EXOC6B: variants seen among roughly 807,000 people sequenced by gnomAD.
EXOC6B encodes SEC15 homolog B.
Under a neutral mutation model 113.5 loss-of-function variants are expected in EXOC6B, and 54 were observed. The ratio of observed to expected loss-of-function variants is 0.48; its 90% CI spans 0.38 to 0.60. EXOC6B has a LOEUF of 0.60. EXOC6B is among the 20% of genes least tolerant of loss of function. The pLI is 0.00. For synonymous variants in EXOC6B, 357 were observed against 339.0 expected (o/e 1.05, Z -0.58); for missense variants, 797 against 977.5 (o/e 0.82, Z 2.46).
chr2:72,254,661 A>T (rs1683242210), intron 20 of EXOC6B, among the ~76,000 whole-genome samples: 1 of 152,222 alleles, frequency 6.6e-6, no homozygotes, highest in African/African-American at 2.4e-5. Context: ...TTTTGCGGCA[A>T]GTGATAGAAA....
chr2:72,716,911 T>C (rs751653552), intron 6 of EXOC6B, among the ~76,000 whole-genome samples: 3 of 152,184 alleles, frequency 2.0e-5, no homozygotes, highest in Non-Finnish European at 4.4e-5. Context: ...CTCTCCTATA[T>C]TTTAAAAGCT....
intron 6 of EXOC6B, among the ~76,000 whole-genome samples, chr2:72,699,381 A>T (rs1678128612): frequency 6.6e-6 from 1 of 151,624 alleles, no homozygotes; most frequent in Non-Finnish European, 1.5e-5. Flanking sequence ...CAGGAGGCTG[A>T]GGCAGAGAAT....
At chr2:72,539,530 C>G (rs1387263970) in intron 8 of EXOC6B, among the ~76,000 whole-genome samples, 3 of 152,120 alleles carry the variant, frequency 2.0e-5, no homozygotes, top group African/African-American at 7.2e-5. Context: ...ACCTCTTGCC[C>G]CTAGACTACA....
intron 7 of EXOC6B, among the ~76,000 whole-genome samples, chr2:72,565,187 A>G (rs1475324362): frequency 1.3e-5 from 2 of 151,756 alleles, no homozygotes; most frequent in African/African-American, 2.4e-5. Flanking sequence ...CCATCTCTAC[A>G]AAAAATTGCA....
chr2:72,397,629 A>AAAAAATAAATAAAG (rs1692819070), intron 18 of EXOC6B, among the ~76,000 whole-genome samples: 1 of 118,378 alleles, frequency 8.4e-6, no homozygotes, highest in African/African-American at 4.3e-5. Context: ...AAAAAAAAAA[A>AAAAAATAAATAAAG]TAAAATAAAA....
intron 19 of EXOC6B, among the ~76,000 whole-genome samples, chr2:72,348,282 G>A (rs1198642009): frequency 6.6e-6 from 1 of 152,112 alleles, no homozygotes; most frequent in Non-Finnish European, 1.5e-5. Flanking sequence ...TAGTTCCCTT[G>A]AAGTTTAGGA....
At chr2:72,306,945 G>A (rs1179317901) in intron 20 of EXOC6B, among the ~76,000 whole-genome samples, 1 of 151,986 alleles carries the variant, frequency 6.6e-6, no homozygotes, top group Admixed American at 6.6e-5. Context: ...TTTTTTAGGT[G>A]CTCATTTCAT....
chr2:72,779,326 AT>A (rs1253547365), intron 1 of EXOC6B, among the ~76,000 whole-genome samples: 1 of 151,562 alleles, frequency 6.6e-6, no homozygotes, highest in African/African-American at 2.4e-5. Flanking sequence ...AAATGTACAT[AT>A]TATAACTTGC....
chr2:72,330,373 C>T (rs1228773412), intron 20 of EXOC6B, among the ~76,000 whole-genome samples: 2 of 151,750 alleles, frequency 1.3e-5, no homozygotes, highest in African/African-American at 4.8e-5. Context: ...ATGAGGAAGA[C>T]AAACAACAAA....
chr2:72,680,032 C>A (rs570358614), intron 6 of EXOC6B, among the ~76,000 whole-genome samples: 113 of 151,764 alleles, frequency 7.4e-4, no homozygotes, highest in Non-Finnish European at 1.4e-3. Flanking sequence ...TGCTTTTTTC[C>A]TAAAGATGTC....
chr2:72,629,104 A>G (rs1281622072), intron 6 of EXOC6B, among the ~76,000 whole-genome samples: 1 of 152,226 alleles, frequency 6.6e-6, no homozygotes, highest in Non-Finnish European at 1.5e-5. Flanking sequence ...TTAGTCCTTC[A>G]TATGCAGTAG....
At chr2:72,776,655 A>G (rs748503295) in intron 1 of EXOC6B, among the ~76,000 whole-genome samples, 7 of 152,128 alleles carry the variant, frequency 4.6e-5, no homozygotes, top group Non-Finnish European at 1.0e-4. Context: ...AGAATTTGCA[A>G]TATGAATTAG....
Position 72,825,778 on chromosome 2 carries a change from G to T in EXOC6B, c.113+20C>A. 3 of 1,608,454 alleles carry T rather than the reference G, an allele frequency of 1.9e-6. No homozygotes were observed. Among genetic ancestry groups the T allele is most frequent in the Non-Finnish European group, 2.5e-6 (3 of 1,177,716 alleles). The stretch of plus-strand genomic sequence containing the variant: ...GTCCCGCCCGTTCCCGCCCCTCTGT[G>T]GTCCCGGCACCCGGGGTACCTGAGC... On this transcript the variant is annotated intron_variant, in intron 1 of 21. Transcript: ENST00000272427. The surrounding 1 kb of genome is among the most constrained non-coding windows in gnomAD (Gnocchi z 4.4).
chr2:72,812,669 G>A (rs1268772539), intron 1 of EXOC6B, among the ~76,000 whole-genome samples: 2 of 149,568 alleles, frequency 1.3e-5, no homozygotes, highest in African/African-American at 4.8e-5. Flanking sequence ...CAGCCTGGGT[G>A]ACTGGGGGAG....
intron 17 of EXOC6B, among the ~76,000 whole-genome samples, chr2:72,466,838 T>A (rs1698086931): frequency 6.6e-6 from 1 of 152,204 alleles, no homozygotes. Flanking sequence ...CCTCACATAC[T>A]TATTTTATGA....
chr2:72,534,415 A>T (rs1702169677), intron 8 of EXOC6B, among the ~76,000 whole-genome samples: 1 of 152,284 alleles, frequency 6.6e-6, no homozygotes, highest in South Asian at 2.1e-4. Flanking sequence ...AAACAGAAGA[A>T]GAGTGAAATA....
chr2:72,825,741 G>A lies in EXOC6B; in HGVS notation c.113+57C>T. On this transcript the variant is annotated intron_variant, in intron 1 of 21. Transcript: ENST00000272427. This position sits in a 1 kb window ranked among gnomAD's most constrained non-coding sequence, Gnocchi z 4.4. ...CAGCCGGCCGGAGGCCCGACCCAGA[G>A]GAGCCTGCCCCGTCCCGCCCGTTCC... 1 of 1,533,804 alleles carries A rather than the reference G, an allele frequency of 6.5e-7. No individual in the cohort carries two copies. Among genetic ancestry groups the A allele is most frequent in the Non-Finnish European group, 8.8e-7 (1 of 1,140,872 alleles).
chr2:72,260,817 G>A (rs972894380), intron 20 of EXOC6B, among the ~76,000 whole-genome samples: 1 of 152,050 alleles, frequency 6.6e-6, no homozygotes, highest in Non-Finnish European at 1.5e-5. Context: ...CAAAACCGAG[G>A]TCTTATTTTC....
At chr2:72,814,200 A>G (rs1210511821) in intron 1 of EXOC6B, among the ~76,000 whole-genome samples, 3 of 152,240 alleles carry the variant, frequency 2.0e-5, no homozygotes, top group East Asian at 3.8e-4. Flanking sequence ...AAGAGAGCCT[A>G]TATTTTAATC....
Sources: gnomAD v4.1 joint callset for allele counts (sites outside exome capture counted in the v4.1 genomes callset) on GRCh38, gnomAD v4.1.1 for gene constraint, Gnocchi (gnomAD v3.1) non-coding constraint, MANE v1.5 for transcripts, NCBI Gene and HGNC (gene_info 2026-07-23, HGNC 2026-07-21) for gene names.